Variants in RAPGEF4 observed in about 807,000 individuals in gnomAD.
RAPGEF4 encodes Rap guanine nucleotide exchange factor 4.
A neutral mutation model predicts 147.9 loss-of-function variants in RAPGEF4; 66 were observed. The ratio of observed to expected loss-of-function variants is 0.45; its 90% CI spans 0.37 to 0.55. The LOEUF is 0.55. Ranked by LOEUF, RAPGEF4 falls within the 20% of genes least tolerant of loss-of-function variation. The pLI is 0.00. For missense variants in RAPGEF4, 1,071 were observed against 1,257.3 expected, an observed-to-expected ratio of 0.85 and a Z score of 2.24; for synonymous variants, 419 against 442.7, an observed-to-expected ratio of 0.95 and a Z score of 0.67.
At chr2:172,928,279 T>A (rs1685576441) in intron 6 of RAPGEF4, 1 of 451,316 alleles carries the variant, frequency 2.2e-6, no homozygotes, top group Non-Finnish European at 4.5e-6. Flanking sequence ...TTTCTGCTTT[T>A]TATTCCATCT....
intron 3 of RAPGEF4, among the ~76,000 whole-genome samples, chr2:172,806,828 A>C (rs1687541532): frequency 6.6e-6 from 1 of 152,220 alleles, no homozygotes. Flanking sequence ...AAGTAAAATA[A>C]TATGCTTTTA....
intron 4 of RAPGEF4, among the ~76,000 whole-genome samples, chr2:172,865,683 G>T (rs935315189): frequency 1.3e-5 from 2 of 151,540 alleles, no homozygotes; most frequent in African/African-American, 4.9e-5. Flanking sequence ...TCCTGCATGG[G>T]TAGAGCACAC....
At chr2:172,821,639 AG>A in intron 4 of RAPGEF4, 1 of 1,018,524 alleles carries the variant, frequency 9.8e-7, no homozygotes, top group Non-Finnish European at 1.2e-6. Flanking sequence ...TGTCTGCACC[AG>A]GGTCTCATTC....
intron 17 of RAPGEF4, among the ~76,000 whole-genome samples, chr2:173,011,794 TATTA>T (rs1213723003): frequency 6.6e-6 from 1 of 151,904 alleles, no homozygotes; most frequent in African/African-American, 2.4e-5. Context: ...CTGAAAAGCA[TATTA>T]ATTCATTTGA....
At chr2:173,048,448 A>T (rs958775065) in intron 29 of RAPGEF4, 152 bp from the exon 30 acceptor site, 1 of 1,434,442 alleles carries the variant, frequency 7.0e-7, no homozygotes, top group African/African-American at 1.4e-5. Context: ...TAAACAAGTT[A>T]TACATCAGCT....
intron 5 of RAPGEF4, among the ~76,000 whole-genome samples, chr2:172,920,907 G>A (rs753163667): frequency 6.6e-6 from 1 of 152,052 alleles, no homozygotes; most frequent in Non-Finnish European, 1.5e-5. Flanking sequence ...GGAAGTGATA[G>A]CGAGCCTGTT....
At chr2:173,031,732 G>C (rs1228209252) in intron 26 of RAPGEF4, among the ~76,000 whole-genome samples, 6 of 152,168 alleles carry the variant, frequency 3.9e-5, no homozygotes, top group Non-Finnish European at 5.9e-5. Flanking sequence ...GTTTCACTAG[G>C]GATGGGAGTT....
At chr2:173,022,633 T>A (rs2105929110) in intron 23 of RAPGEF4, among the ~76,000 whole-genome samples, 1 of 152,324 alleles carries the variant, frequency 6.6e-6, no homozygotes, top group East Asian at 1.9e-4. Context: ...TGCTGGCTTC[T>A]GTGAGACACT....
chr2:173,018,772 C>A lies in RAPGEF4; in HGVS notation c.2125C>A (p.Leu709Met). 1 of 1,613,974 alleles carries A rather than the reference C, an allele frequency of 6.2e-7. No individual in the cohort carries two copies. The highest frequency in any genetic ancestry group is 8.5e-7 in the Non-Finnish European group (1 of 1,179,998). Residue 709 changes from leucine to methionine, a missense_variant, in exon 22 of 31, where the codon CTG becomes ATG. Coordinates refer to ENST00000397081, the MANE Select transcript of RAPGEF4 (RefSeq NM_007023.4). ...CGACAAGCTGGGCTCCGGGGAGGGC[C>A]TGATCATAGTCAAGATGAGTTCCGG... The part of the protein sequence containing the change: ...VADKLGSGEG[L>M]IIVKMSSGGE...
chr2:173,051,561 T>C lies in RAPGEF4; in HGVS notation c.2909-79T>C, dbSNP rs138229009. On this transcript the variant is annotated intron_variant, in intron 30 of 30. Transcript: ENST00000397081. ...ACCCAGGAACCTATGATAAATGTAA[T>C]AAATAATTGGAGAAGTAAGATTGTA... 217 of 1,444,228 alleles carry C rather than the reference T, an allele frequency of 1.5e-4. No individual in the cohort carries two copies. The African/African-American group carries it at 2.2e-3, about 15-fold the overall frequency. The allele number at this position is 1,444,228 out of a possible 1,614,324, so 89.5% of individuals were successfully genotyped here. A position where few individuals can be genotyped will look rare whatever the true frequency, so the allele number is the denominator to read the frequency against.
intron 1 of RAPGEF4, among the ~76,000 whole-genome samples, chr2:172,774,085 A>G (rs1683915720): frequency 6.6e-6 from 1 of 152,222 alleles, no homozygotes; most frequent in Admixed American, 6.5e-5. Context: ...CGCTACTTCT[A>G]AGTAGACATT....
At chr2:172,849,936 G>A (rs1048920825) in intron 4 of RAPGEF4, among the ~76,000 whole-genome samples, 1 of 152,192 alleles carries the variant, frequency 6.6e-6, no homozygotes, top group Non-Finnish European at 1.5e-5. Flanking sequence ...ATAGGAGTTG[G>A]GGAAACCAGT....
intron 4 of RAPGEF4, among the ~76,000 whole-genome samples, chr2:172,825,594 G>A (rs72908191): frequency 0.015 from 2,275 of 151,948 alleles, 19 homozygotes; most frequent in South Asian, 0.034. Flanking sequence ...TAAATACATT[G>A]GCATTTATTT....
rs117472055 is a variant in RAPGEF4 at position 172,870,680 on chromosome 2, C to T, written c.445-47122C>T. 1.4e-3 allele frequency among the ~76,000 whole-genome samples: 212 copies of T among 152,158 alleles called. 5 individuals are homozygous for T. The East Asian group carries it at 0.04, about 29-fold the overall frequency. ...TGTTTCAGTTTGACCATGACTATCA[C>T]GAGAGATATGCTGCTGTGTGCATGG... is the stretch of plus-strand genomic sequence containing the variant. On this transcript the variant is annotated intron_variant, in intron 4 of 30. Coordinates refer to ENST00000397081, the MANE Select transcript of RAPGEF4 (RefSeq NM_007023.4).
chr2:172,921,745 C>T (rs536063534), intron 5 of RAPGEF4, among the ~76,000 whole-genome samples: 1 of 152,132 alleles, frequency 6.6e-6, no homozygotes, highest in African/African-American at 2.4e-5. Context: ...ACTGAGATAC[C>T]CCTGGAAACA....
At chr2:172,819,298 GAACTTA>G (rs1688814713) in intron 4 of RAPGEF4, among the ~76,000 whole-genome samples, 1 of 151,834 alleles carries the variant, frequency 6.6e-6, no homozygotes, top group Admixed American at 6.6e-5. Context: ...TTTAATATTA[GAACTTA>G]ATAAAAAATA....
chr2:173,048,756 G>A, intron 30 of RAPGEF4, 102 bp downstream of exon 30: 1 of 1,567,110 alleles, frequency 6.4e-7, no homozygotes, highest in Admixed American at 2.0e-5. Flanking sequence ...ATATCTGACT[G>A]TGTCAGAGAC....
At chr2:172,919,248 A>G (rs1193965052) in intron 5 of RAPGEF4, among the ~76,000 whole-genome samples, 1 of 152,114 alleles carries the variant, frequency 6.6e-6, no homozygotes, top group Admixed American at 6.5e-5. Flanking sequence ...GAATCAAAGT[A>G]TGTTGTTTCA....
At chr2:172,973,025 G>A (rs1181652403) in intron 10 of RAPGEF4, among the ~76,000 whole-genome samples, 1 of 151,972 alleles carries the variant, frequency 6.6e-6, no homozygotes, top group Non-Finnish European at 1.5e-5. Context: ...CTTTTAAATA[G>A]GTGTGTTCTC....
Sources: allele counts gnomAD v4.1 joint callset (sites outside exome capture counted in the v4.1 genomes callset), GRCh38; gene constraint gnomAD v4.1.1; transcripts MANE v1.5; gene names NCBI Gene and HGNC (gene_info 2026-07-23, HGNC 2026-07-21).